The following TNS3 variants were observed in gnomAD, a reference collection of about 807,000 sequenced individuals.
TNS3 encodes tensin 3.
TNS3 carries 45 observed loss-of-function variants against 140.9 expected under a neutral mutation model. The observed-to-expected ratio is 0.32, with a 90% CI of 0.25 to 0.41. The LOEUF (loss-of-function observed/expected upper bound fraction) is 0.41, where lower values mean the gene tolerates loss of function less well. TNS3 is among the 10% of genes least tolerant of loss of function. The pLI, the probability that TNS3 is intolerant of heterozygous loss-of-function variation, is 1.00. For synonymous variants in TNS3, 815 were observed against 788.4 expected, an observed-to-expected ratio of 1.03 and a Z score of -0.56; for missense variants, 1,716 against 1,906.7, an observed-to-expected ratio of 0.90 and a Z score of 1.86.
At chr7:47,582,253 A>G (rs1784555716), upstream of TNS3, 3 of 336,068 alleles carry the variant, frequency 8.9e-6, no homozygotes, top group African/African-American at 2.2e-5. Flanking sequence ...TCACCCTAAC[A>G]ATGCAGCGCG....
chr7:47,545,019 T>C (rs977672627), intron 1 of TNS3, among the ~76,000 whole-genome samples: 1 of 151,820 alleles, frequency 6.6e-6, no homozygotes, highest in Non-Finnish European at 1.5e-5. Context: ...CCTCGAACAC[T>C]AAAAACGGAG....
In TNS3 at chr7:47,302,200, A is replaced by G; in HGVS notation, c.3530T>C (p.Ile1177Thr). ...TCCCCACATACCTTGTTCTCTTGAA[A>G]TATCCGCCTTGTACCAGAACTTGGA... ...DTSKFWYKAD[I>T]SREQAIAMLK... Residue 1177 changes from isoleucine (I) to threonine (T), a missense_variant, in exon 23 of 31, where the codon ATT (isoleucine) becomes ACT (threonine). By Grantham distance (89) the Ile-to-Thr change is moderately conservative. Transcript: ENST00000311160. 6.2e-7 allele frequency: 1 copy of G among 1,614,206 alleles called. No homozygotes were observed. Among genetic ancestry groups the G allele is most frequent in the Non-Finnish European group, 8.5e-7 (1 of 1,179,994 alleles).
At chr7:47,346,703 A>G (rs1190054144) in intron 17 of TNS3, among the ~76,000 whole-genome samples, 2 of 152,060 alleles carry the variant, frequency 1.3e-5, no homozygotes. Flanking sequence ...ACTGACGATG[A>G]CCCAGCTGGG....
rs1344445142 is a variant in TNS3, at chr7:47,389,103, CGGAAGCAGA to C, written c.1024+7688_1024+7696del. On this transcript the variant is annotated intron_variant, in intron 16 of 30. Coordinates refer to ENST00000311160, the MANE Select transcript of TNS3 (RefSeq NM_022748.12). ...GAAGAAGAGGAAGAGGAAGAGGAAG[CGGAAGCAGA>C]AGAAGAAGAAGAAGAAGAAGAAGAA... Among the ~76,000 whole-genome samples, 17 of 16,476 alleles carry C rather than the reference CGGAAGCAGA, an allele frequency of 1.0e-3. 4 individuals carry two copies. Among genetic ancestry groups the C allele is most frequent in the African/African-American group, 2.7e-3 (16 of 5,844 alleles). The allele number at this position is 16,476 out of a possible 152,430, so 10.8% of individuals were successfully genotyped here. A position where few individuals can be genotyped will look rare whatever the true frequency, so the allele number is the denominator to read the frequency against.
chr7:47,393,406 T>C (rs58192148), intron 16 of TNS3, among the ~76,000 whole-genome samples: 52,046 of 152,008 alleles, frequency 0.34, 9,375 homozygotes, highest in East Asian at 0.65. Context: ...CGTGCTTGTC[T>C]GTAACTCAGG....
At chr7:47,326,724 C>T (rs1325054805) in intron 20 of TNS3, among the ~76,000 whole-genome samples, 1 of 152,096 alleles carries the variant, frequency 6.6e-6, no homozygotes, top group Admixed American at 6.5e-5. Context: ...TACACTGACA[C>T]GCATATGGAA....
chr7:47,285,895 A>G (rs1785394508), intron 27 of TNS3, among the ~76,000 whole-genome samples: 1 of 152,198 alleles, frequency 6.6e-6, no homozygotes, highest in Non-Finnish European at 1.5e-5. Flanking sequence ...GGAAAATCAC[A>G]TGGCAGCATG....
chr7:47,538,656 G>A (rs1799689031), intron 1 of TNS3, among the ~76,000 whole-genome samples: 1 of 152,110 alleles, frequency 6.6e-6, no homozygotes, highest in Admixed American at 6.5e-5. Flanking sequence ...TGTTTCTGCA[G>A]TAGAAGAGCA....
At position 47,291,889 on chromosome 7, in the gene TNS3, A is replaced by G. The variant is rs1785725504; in HGVS notation, c.3928+66T>C. The stretch of plus-strand genomic sequence containing the variant: ...ACCTGAATACTGAAGTGCAAAAGGA[A>G]GTTGTGTCAGTGAGTCCTTTTTCTC... On this transcript the variant is annotated intron_variant, in intron 27 of 30. Coordinates refer to ENST00000311160, the MANE Select transcript of TNS3 (RefSeq NM_022748.12). The G allele has an allele frequency of 2.0e-6, 3 of 1,522,434 alleles. No individual in the cohort carries two copies. In the Admixed American group the frequency reaches 5.3e-5, roughly 27 times the overall value. The allele number at this position is 1,522,434 out of a possible 1,614,324, so 94.3% of individuals were successfully genotyped here. A position where few individuals can be genotyped will look rare whatever the true frequency, so the allele number is the denominator to read the frequency against.
intron 10 of TNS3, among the ~76,000 whole-genome samples, chr7:47,422,651 T>C (rs1794436205): frequency 2.0e-5 from 3 of 151,568 alleles, no homozygotes; most frequent in Admixed American, 2.0e-4. Context: ...AATGAAGAGA[T>C]ATCTTCCCCC....
At position 47,346,122 on chromosome 7, in the gene TNS3, G is replaced by A. The variant is rs540368741; in HGVS notation, c.2451+65C>T. ...AGGCCTGGTCATTGCCCATTCACTC[G>A]GGGTTCCAGGACAAGAAAGGGAGTG... On this transcript the variant is annotated intron_variant, in intron 18 of 30. Coordinates refer to ENST00000311160, the MANE Select transcript of TNS3 (RefSeq NM_022748.12). The A allele has an allele frequency of 1.4e-5, 22 of 1,580,896 alleles. No individual in the cohort carries two copies. The East Asian group carries it at 2.0e-4, about 15-fold the overall frequency.
chr7:47,396,482 C>T (rs77034848), intron 16 of TNS3: 32 of 322,914 alleles, frequency 9.9e-5, no homozygotes, highest in African/African-American at 4.1e-4. Flanking sequence ...ACGGAAGGGA[C>T]GGAAGAAGGG....
At chr7:47,554,057 G>A (rs573494409) in intron 1 of TNS3, among the ~76,000 whole-genome samples, 30 of 150,352 alleles carry the variant, frequency 2.0e-4, no homozygotes, top group African/African-American at 4.1e-4. Flanking sequence ...CGCCCACCTC[G>A]GCCTCCCAAA....
intron 20 of TNS3, among the ~76,000 whole-genome samples, chr7:47,314,969 T>C (rs1159154597): frequency 6.6e-6 from 1 of 152,198 alleles, no homozygotes; most frequent in Non-Finnish European, 1.5e-5. Flanking sequence ...GGCCAACTTC[T>C]ACTAAGGCAA....
intron 28 of TNS3, 47 bp downstream of exon 28, chr7:47,283,650 C>G: frequency 6.8e-7 from 1 of 1,474,788 alleles, no homozygotes; most frequent in Non-Finnish European, 9.0e-7. Flanking sequence ...AGGAACGTGA[C>G]AGCCCCGCCC....
At chr7:47,438,108 C>T (rs1405437470) in intron 6 of TNS3, among the ~76,000 whole-genome samples, 3 of 152,086 alleles carry the variant, frequency 2.0e-5, no homozygotes, top group Non-Finnish European at 2.9e-5. Context: ...ATTAACTAAA[C>T]GTCCCTCTCA....
intron 16 of TNS3, chr7:47,396,587 AC>A (rs1792844032): frequency 1.8e-6 from 1 of 569,556 alleles, no homozygotes; most frequent in African/African-American, 1.9e-5. Context: ...TTACAGCTTC[AC>A]AAAAAGCCCT....
intron 1 of TNS3, among the ~76,000 whole-genome samples, chr7:47,576,085 G>A (rs1800669064): frequency 6.6e-6 from 1 of 152,088 alleles, no homozygotes. Flanking sequence ...ACCTGTCCTT[G>A]ATCTTTGGAG....
chr7:47,579,356 C>T (rs1784477023), intron 1 of TNS3: 1 of 151,994 alleles, frequency 6.6e-6, no homozygotes, highest in South Asian at 2.1e-4. Flanking sequence ...ACGCCCAGAC[C>T]CACCCTTCCC....
Sources: allele counts gnomAD v4.1 joint callset (sites outside exome capture counted in the v4.1 genomes callset), GRCh38; gene constraint gnomAD v4.1.1; transcripts MANE v1.5; gene names NCBI Gene and HGNC (gene_info 2026-07-23, HGNC 2026-07-21).